The following YTHDC1 variants were observed in gnomAD, a reference collection of about 807,000 sequenced individuals.
The protein encoded by YTHDC1 is YTH N6-methyladenosine RNA binding protein C1.
In YTHDC1, 12 loss-of-function variants were observed where a neutral mutation model predicts 107.0. The ratio of observed to expected loss-of-function variants is 0.11; its 90% CI spans 0.07 to 0.18. YTHDC1 has a LOEUF of 0.18. Among genes scored for constraint, YTHDC1 ranks in the 10% least tolerant of loss-of-function variants. The pLI is 1.00. For missense variants in YTHDC1, 635 were observed against 898.8 expected, an observed-to-expected ratio of 0.71 and a Z score of 3.75; for synonymous variants, 280 against 289.5, an observed-to-expected ratio of 0.97 and a Z score of 0.33.
chr4:68,319,066 T>G (rs1411018726), intron 12 of YTHDC1, among the ~76,000 whole-genome samples: 2 of 152,188 alleles, frequency 1.3e-5, no homozygotes, highest in Non-Finnish European at 2.9e-5. Context: ...CATAGAATTG[T>G]AAACTGCTAG....
chr4:68,334,429 G>C (rs1723929711), intron 4 of YTHDC1, among the ~76,000 whole-genome samples: 1 of 151,166 alleles, frequency 6.6e-6, no homozygotes. Context: ...CCTTGAATTA[G>C]ACAGGCAGTT....
intron 9 of YTHDC1, among the ~76,000 whole-genome samples, chr4:68,324,812 T>C (rs532535378): frequency 5.9e-5 from 9 of 152,328 alleles, no homozygotes; most frequent in Non-Finnish European, 1.3e-4. Context: ...TATATTTATA[T>C]TAATTATGCC....
intron 1 of YTHDC1, among the ~76,000 whole-genome samples, chr4:68,348,124 A>G (rs1031548466): frequency 3.3e-5 from 5 of 152,228 alleles, no homozygotes; most frequent in African/African-American, 9.6e-5. Flanking sequence ...GGACTGCATT[A>G]TCATCACTAA....
At chr4:68,320,538 T>G (rs2109687337) in intron 11 of YTHDC1, among the ~76,000 whole-genome samples, 1 of 152,206 alleles carries the variant, frequency 6.6e-6, no homozygotes, top group Admixed American at 6.5e-5. Flanking sequence ...AATATCAGTT[T>G]TAACAATTAA....
intron 9 of YTHDC1, among the ~76,000 whole-genome samples, chr4:68,326,611 G>A (rs1298138737): frequency 6.6e-6 from 1 of 152,068 alleles, no homozygotes; most frequent in African/African-American, 2.4e-5. Flanking sequence ...TTTGTTTTGA[G>A]ACACAGTCTC....
intron 1 of YTHDC1, among the ~76,000 whole-genome samples, chr4:68,344,256 ACTTTAT>A (rs1578077168): frequency 6.6e-6 from 1 of 152,068 alleles, no homozygotes; most frequent in Non-Finnish European, 1.5e-5. Context: ...TTAAGCAAGT[ACTTTAT>A]CTTTATCTGC....
chr4:68,332,831 A>G lies in YTHDC1; in HGVS notation c.990T>C (p.His330=). The stretch of plus-strand genomic sequence containing the variant: ...CACGAACGGAAGATGATAATTTCTC[A>G]TGCTTCTTTTCTGAACCTGTATTTA... ...SESYAGSEKK[H]EKLSSSVRAV... is the part of the protein sequence containing the mutation. The change falls in exon 6 of 17, where the codon CAT becomes CAC. Residue 330 remains histidine (H), a synonymous_variant. Coordinates refer to ENST00000344157, the MANE Select transcript of YTHDC1 (RefSeq NM_001031732.4). 3 of 1,610,826 alleles carry G rather than the reference A, an allele frequency of 1.9e-6. No individual in the cohort carries two copies. The highest frequency in any genetic ancestry group is 2.5e-6 in the Non-Finnish European group (3 of 1,177,388).
At position 68,332,107 on chromosome 4, in the gene YTHDC1, G is replaced by T; in HGVS notation, c.1118C>A (p.Ala373Glu). The change falls in exon 7 of 17, where the codon GCG becomes GAG. Residue 373 changes from alanine to glutamate, a missense_variant. By Grantham distance (107) the Ala-to-Glu change is moderately radical (BLOSUM62 -1). Transcript: ENST00000344157. ...CAACAGAACTGATGCTAATACCTTC[G>T]CTTTGGCAAGAGACACATTCTCATG... ...NNHENVSLAK[A>E]KGVWSTLPVN... 1 of 1,590,124 alleles carries T rather than the reference G, an allele frequency of 6.3e-7. No homozygotes were observed. Among genetic ancestry groups the T allele is most frequent in the Non-Finnish European group, 8.6e-7 (1 of 1,167,870 alleles).
chr4:68,318,997 T>C (rs1722156836), intron 12 of YTHDC1, 135 bp from the exon 13 acceptor site: 1 of 880,874 alleles, frequency 1.1e-6, no homozygotes, highest in African/African-American at 1.7e-5. Context: ...TACTGTATTA[T>C]CCCATTTTCA....
intron 1 of YTHDC1, among the ~76,000 whole-genome samples, chr4:68,347,867 C>T (rs1578085383): frequency 6.6e-6 from 1 of 152,256 alleles, no homozygotes; most frequent in East Asian, 1.9e-4. Context: ...AGAACTCTCC[C>T]AAAACGAAAT....
intron 12 of YTHDC1, among the ~76,000 whole-genome samples, chr4:68,319,735 A>T (rs904400763): frequency 2.6e-5 from 4 of 152,168 alleles, no homozygotes; most frequent in Admixed American, 6.5e-5. Context: ...ATTTTTATTT[A>T]AAAAAAGTAG....
At chr4:68,332,922 C>T in intron 5 of YTHDC1, 75 bp from the exon 6 acceptor site, 1 of 1,288,466 alleles carries the variant, frequency 7.8e-7, no homozygotes, top group Non-Finnish European at 1.1e-6. Flanking sequence ...AGTCTTGTCA[C>T]ATAAAATTCT....
At chr4:68,347,133 T>C (rs1725537153) in intron 1 of YTHDC1, among the ~76,000 whole-genome samples, 1 of 152,170 alleles carries the variant, frequency 6.6e-6, no homozygotes, top group Non-Finnish European at 1.5e-5. Flanking sequence ...ACAGATGTAC[T>C]CCGGGCACTC....
chr4:68,349,633 C>A, intron 1 of YTHDC1, 93 bp downstream of exon 1: 1 of 263,436 alleles, frequency 3.8e-6, no homozygotes. Context: ...CCTCCCCAAC[C>A]CCCACCCCCC....
At chr4:68,320,786 T>A (rs1722367503) in intron 11 of YTHDC1, among the ~76,000 whole-genome samples, 3 of 152,134 alleles carry the variant, frequency 2.0e-5, no homozygotes, top group Admixed American at 2.0e-4. Flanking sequence ...GGAAAGTTTT[T>A]AAAATCTTAA....
At chr4:68,316,091 T>C (rs1449839976) in intron 16 of YTHDC1, 1 of 412,198 alleles carries the variant, frequency 2.4e-6, no homozygotes, top group East Asian at 4.1e-5. Context: ...GGCGTTTGCC[T>C]TAAGCAGTTT....
At chr4:68,324,288 T>C in intron 9 of YTHDC1, 65 bp from the exon 10 acceptor site, 2 of 1,354,474 alleles carry the variant, frequency 1.5e-6, no homozygotes, top group Non-Finnish European at 1.0e-6. Context: ...ATACTACTTT[T>C]AGTAGTGAAT....
chr4:68,345,560 GT>G (rs1445727878), intron 1 of YTHDC1, among the ~76,000 whole-genome samples: 4 of 148,700 alleles, frequency 2.7e-5, no homozygotes, highest in Non-Finnish European at 5.9e-5. Flanking sequence ...TCCAAATGAA[GT>G]TTAAAAACTT....
chr4:68,338,474 C>T, intron 1 of YTHDC1, 90 bp from the exon 2 acceptor site: 1 of 847,504 alleles, frequency 1.2e-6, no homozygotes, highest in East Asian at 2.9e-5. Context: ...CCACAAGCGC[C>T]TAGGAGCTTT....
Sources: allele counts gnomAD v4.1 joint callset (sites outside exome capture counted in the v4.1 genomes callset), GRCh38; gene constraint gnomAD v4.1.1; transcripts MANE v1.5; gene names NCBI Gene and HGNC (gene_info 2026-07-23, HGNC 2026-07-21).